Variants in ATF7 observed in about 807,000 individuals in gnomAD.
ATF7 encodes the protein activating transcription factor 7, also known as cyclic AMP-dependent transcription factor ATF-7.
In ATF7, 10 loss-of-function variants were observed where a neutral mutation model predicts 50.4. That is an observed-to-expected ratio of 0.20 (90% confidence interval 0.12 to 0.34). ATF7 has a LOEUF of 0.34. Among genes scored for constraint, ATF7 ranks in the 10% least tolerant of loss-of-function variants. The pLI is 1.00. For synonymous variants in ATF7, 201 were observed against 226.4 expected (o/e 0.89, Z 1.01); for missense variants, 465 against 613.9 (o/e 0.76, Z 2.56).
Position 53,529,674 on chromosome 12 carries a change from T to C in ATF7, c.927+2070A>G, listed in dbSNP as rs1035080411. ...ATATATACACACACACATATATATATACACACATATATATAAATACATATA... is the reference window on the plus strand; with the variant it reads ...ATATATACACACACACATATATATACACACACATATATATAAATACATATA... On this transcript the variant is annotated intron_variant, in intron 9 of 11. Coordinates refer to ENST00000420353, the MANE Select transcript of ATF7 (RefSeq NM_006856.3). 4.2e-4 allele frequency among the ~76,000 whole-genome samples: 59 copies of C among 141,804 alleles called. 1 individual carries two copies. The highest frequency in any genetic ancestry group is 3.9e-3 in the Admixed American group (54 of 13,884). The allele number at this position is 141,804 out of a possible 152,430, so 93.0% of individuals were successfully genotyped here.
At chr12:53,554,770 C>T (rs142423250) in intron 2 of ATF7, among the ~76,000 whole-genome samples, 1 of 144,360 alleles carries the variant, frequency 6.9e-6, no homozygotes, top group Admixed American at 7.2e-5. Context: ...GACTGAGGCA[C>T]GAGAATTGCT....
intron 2 of ATF7, among the ~76,000 whole-genome samples, chr12:53,578,815 C>G (rs936878729): frequency 6.6e-6 from 1 of 151,048 alleles, no homozygotes; most frequent in Non-Finnish European, 1.5e-5. Flanking sequence ...ATCTGGGATT[C>G]GAATCAGCCC....
intron 1 of ATF7, among the ~76,000 whole-genome samples, chr12:53,617,580 G>A (rs1249964395): frequency 3.3e-5 from 5 of 152,178 alleles, no homozygotes; most frequent in African/African-American, 1.2e-4. Context: ...AGTGAGCCAA[G>A]ATTGTGCCAC....
intron 2 of ATF7, among the ~76,000 whole-genome samples, chr12:53,592,245 A>G (rs1942975625): frequency 6.6e-6 from 1 of 152,242 alleles, no homozygotes; most frequent in African/African-American, 2.4e-5. Flanking sequence ...ACCAAAGCAC[A>G]AATACAAAGG....
At chr12:53,606,047 A>G (rs1943588774) in intron 1 of ATF7, among the ~76,000 whole-genome samples, 1 of 152,182 alleles carries the variant, frequency 6.6e-6, no homozygotes, top group African/African-American at 2.4e-5. Context: ...GACCACAGCC[A>G]ACCAAGTCTA....
intron 6 of ATF7, 65 bp from the exon 7 acceptor site, chr12:53,533,324 A>G: frequency 7.3e-7 from 1 of 1,363,462 alleles, no homozygotes; most frequent in Non-Finnish European, 1.0e-6. Flanking sequence ...TTCCTCTTAT[A>G]ATTACAGAAG....
chr12:53,567,717 C>T (rs931087783), intron 2 of ATF7, among the ~76,000 whole-genome samples: 2 of 152,222 alleles, frequency 1.3e-5, no homozygotes, highest in African/African-American at 4.8e-5. Flanking sequence ...CAGCTCTTGC[C>T]TAATGGTAGA....
intron 9 of ATF7, among the ~76,000 whole-genome samples, chr12:53,528,075 T>G (rs1005232914): frequency 3.3e-5 from 5 of 151,808 alleles, no homozygotes; most frequent in Admixed American, 6.6e-5. Context: ...TCTCCTAACC[T>G]TGGGATCCAC....
In ATF7 at chr12:53,513,707, T is replaced by C. The variant is rs1944201685; in HGVS notation, c.*3430A>G. The C allele has an allele frequency of 6.6e-6, 1 of 152,250 alleles. No homozygotes were observed. The highest frequency in any genetic ancestry group is 2.1e-4 in the South Asian group (1 of 4,814). The allele number at this position is 152,250 out of a possible 1,614,324, so 9.4% of individuals were successfully genotyped here. On this transcript the variant is annotated 3_prime_UTR_variant, in exon 12 of 12. Transcript: ENST00000420353. Reference sequence around the variant, plus strand: ...AAAGGAGAAAACTGGCGGGGATAGCTGTATCAGGGGCTAGCACCTTTAAGG... The same window carrying C: ...AAAGGAGAAAACTGGCGGGGATAGCCGTATCAGGGGCTAGCACCTTTAAGG...
rs1167574270 is a variant in ATF7, at chr12:53,531,908, G to A, written c.775-12C>T. ...GTGGCTTTCAGTCTCTGTGGGCAAA[G>A]ATAAGAAAAAATGCTTGTTAAGGAT... On this transcript the variant is annotated splice_polypyrimidine_tract_variant and intron_variant, in intron 8 of 11. Coordinates refer to ENST00000420353, the MANE Select transcript of ATF7 (RefSeq NM_006856.3). The A allele has an allele frequency of 2.5e-6, 4 of 1,610,004 alleles. No homozygotes were observed. Among genetic ancestry groups the A allele is most frequent in the Middle Eastern group, 1.7e-4 (1 of 5,838 alleles).
rs532380716 is a variant in ATF7 at position 53,527,554 on chromosome 12, G to A, written c.928-2793C>T. 8.5e-5 allele frequency among the ~76,000 whole-genome samples: 13 copies of A among 152,272 alleles called. No homozygotes were observed. The South Asian group carries it at 2.7e-3, about 32-fold the overall frequency. On this transcript the variant is annotated intron_variant, in intron 9 of 11. Transcript: ENST00000420353. ...AATCCCAACACTTTGGGAGGCCGAG[G>A]CAGGTGGTCACTTGAGGCCATGAGT...
downstream of ATF7, chr12:53,508,323 A>T (rs916131648): frequency 6.6e-6 from 1 of 150,766 alleles, no homozygotes; most frequent in Non-Finnish European, 1.5e-5. Flanking sequence ...GCACTTTGGG[A>T]GACCAAGGCG....
chr12:53,548,156 TG>T (rs1940074030), intron 3 of ATF7, among the ~76,000 whole-genome samples: 1 of 151,932 alleles, frequency 6.6e-6, no homozygotes, highest in African/African-American at 2.4e-5. Context: ...CGTGAGGCAC[TG>T]TGCCCGGCCT....
intron 5 of ATF7, among the ~76,000 whole-genome samples, chr12:53,535,341 A>AAAAAAAAAAAAAAAG (rs1565929693): frequency 2.8e-4 from 43 of 151,800 alleles, no homozygotes; most frequent in African/African-American, 9.4e-4. Context: ...AAAAAAAAAA[A>AAAAAAAAAAAAAAAG]AAAAGAAAAG....
At chr12:53,552,753 C>T (rs920161710) in intron 2 of ATF7, 116 bp from the exon 3 acceptor site, 20 of 770,090 alleles carry the variant, frequency 2.6e-5, no homozygotes, top group Non-Finnish European at 3.9e-5. Context: ...GAAAGAAGAA[C>T]TGGAGAGGGA....
At chr12:53,510,197 G>A (rs947943325), downstream of ATF7, among the ~76,000 whole-genome samples, 1 of 151,752 alleles carries the variant, frequency 6.6e-6, no homozygotes, top group Non-Finnish European at 1.5e-5. Flanking sequence ...GCACCACCGC[G>A]CCTGGCTAGT....
Position 53,512,203 on chromosome 12 carries a change from G to A in ATF7, c.*4934C>T, listed in dbSNP as rs1944147265. The A allele has an allele frequency of 6.6e-6, 1 of 152,274 alleles. No individual in the cohort carries two copies. Among genetic ancestry groups the A allele is most frequent in the African/African-American group, 2.4e-5 (1 of 41,454 alleles). The allele number at this position is 152,274 out of a possible 1,614,324, so 9.4% of individuals were successfully genotyped here. A position where few individuals can be genotyped will look rare whatever the true frequency, so the allele number is the denominator to read the frequency against. On this transcript the variant is annotated 3_prime_UTR_variant, in exon 12 of 12. Coordinates refer to ENST00000420353, the MANE Select transcript of ATF7 (RefSeq NM_006856.3). Reference sequence around the variant, plus strand: ...GAAGACAGTATGGTTAGGGAGAATAGAGCGAAGCCCCTGCCTCAGCCCAGT... The same window carrying A: ...GAAGACAGTATGGTTAGGGAGAATAAAGCGAAGCCCCTGCCTCAGCCCAGT...
chr12:53,614,132 C>T (rs1944013367), intron 1 of ATF7, among the ~76,000 whole-genome samples: 2 of 152,064 alleles, frequency 1.3e-5, no homozygotes, highest in South Asian at 4.1e-4. Flanking sequence ...TTCATACAGG[C>T]AACTACTTGA....
chr12:53,531,897 CTG>C lies in ATF7; in HGVS notation c.775-3_775-2del. 4 of 1,613,234 alleles carry C rather than the reference CTG, an allele frequency of 2.5e-6. No individual in the cohort carries two copies. The highest frequency in any genetic ancestry group is 3.4e-6 in the Non-Finnish European group (4 of 1,179,744). Reference sequence around the variant, plus strand: ...GGTGAGTTAGGGTGGCTTTCAGTCTCTGTGGGCAAAGATAAGAAAAAATGCTT... The same window carrying C: ...GGTGAGTTAGGGTGGCTTTCAGTCTCTGGGCAAAGATAAGAAAAAATGCTT... On this transcript the variant is annotated splice_acceptor_variant and splice_polypyrimidine_tract_variant and intron_variant, in intron 8 of 11. Transcript: ENST00000420353. LOFTEE classifies it high-confidence loss of function.
Sources: gnomAD v4.1 joint callset for allele counts (sites outside exome capture counted in the v4.1 genomes callset) on GRCh38, gnomAD v4.1.1 for gene constraint, MANE v1.5 for transcripts, NCBI Gene and HGNC (gene_info 2026-07-23, HGNC 2026-07-21) for gene names.